The following RUNDC3B variants were observed in gnomAD, a reference collection of about 807,000 sequenced individuals.
The protein encoded by RUNDC3B is RUN domain containing 3B.
In RUNDC3B, 33 loss-of-function variants were observed where a neutral mutation model predicts 58.4. That is an observed-to-expected ratio of 0.56 (90% CI 0.43 to 0.75). The LOEUF (loss-of-function observed/expected upper bound fraction) is 0.75. Ranked by LOEUF, RUNDC3B falls within the 30% of genes least tolerant of loss-of-function variation. RUNDC3B has a pLI of 0.00. For synonymous variants in RUNDC3B, 193 were observed against 195.2 expected, an observed-to-expected ratio of 0.99 and a Z score of 0.10; for missense variants, 501 against 535.7, an observed-to-expected ratio of 0.94 and a Z score of 0.64.
At chr7:87,760,450 A>G (rs1339877281) in intron 6 of RUNDC3B, among the ~76,000 whole-genome samples, 1 of 152,128 alleles carries the variant, frequency 6.6e-6, no homozygotes, top group African/African-American at 2.4e-5. Context: ...ATATTCCAAC[A>G]TTCTTTTTTG....
intron 2 of RUNDC3B, chr7:87,694,062 G>T: frequency 6.5e-7 from 1 of 1,535,370 alleles, no homozygotes; most frequent in Non-Finnish European, 8.6e-7. Context: ...TTAGTACATT[G>T]CATGGGTTTT....
intron 8 of RUNDC3B, among the ~76,000 whole-genome samples, chr7:87,796,729 G>A (rs991397850): frequency 2.0e-5 from 3 of 152,136 alleles, no homozygotes; most frequent in Non-Finnish European, 2.9e-5. Context: ...TAAGAGAGAC[G>A]TTAAGGTGTT....
intron 4 of RUNDC3B, among the ~76,000 whole-genome samples, chr7:87,719,463 T>A (rs573749124): frequency 6.7e-4 from 102 of 151,716 alleles, no homozygotes; most frequent in South Asian, 1.7e-3. Flanking sequence ...TATAAAAGTA[T>A]ACAAAATGTA....
intron 2 of RUNDC3B, among the ~76,000 whole-genome samples, chr7:87,679,220 G>A (rs1242115414): frequency 6.8e-6 from 1 of 146,458 alleles, no homozygotes; most frequent in African/African-American, 2.6e-5. Flanking sequence ...AGCCTCCCAA[G>A]AAGCTGGGAC....
chr7:87,820,419 C>T (rs1361169658), intron 10 of RUNDC3B, among the ~76,000 whole-genome samples: 1 of 152,106 alleles, frequency 6.6e-6, no homozygotes, highest in African/African-American at 2.4e-5. Flanking sequence ...CAAAAAGAGT[C>T]CAGGACCAGA....
intron 2 of RUNDC3B, among the ~76,000 whole-genome samples, chr7:87,687,455 TCTTAA>T (rs1311068387): frequency 6.6e-6 from 1 of 152,166 alleles, no homozygotes; most frequent in African/African-American, 2.4e-5. Flanking sequence ...TTACATTAAG[TCTTAA>T]CTTCTAGCAT....
intron 4 of RUNDC3B, among the ~76,000 whole-genome samples, chr7:87,722,880 C>T (rs1428296854): frequency 2.0e-5 from 3 of 152,176 alleles, no homozygotes; most frequent in Non-Finnish European, 4.4e-5. Flanking sequence ...AAAACTATTT[C>T]CGATTCACTG....
At chr7:87,631,140 G>A (rs530917481) in intron 1 of RUNDC3B, among the ~76,000 whole-genome samples, 5 of 152,260 alleles carry the variant, frequency 3.3e-5, no homozygotes, top group African/African-American at 1.2e-4. Context: ...CTGTTTTTCA[G>A]ATCCAAATAG....
chr7:87,703,098 A>C (rs1829238476), intron 3 of RUNDC3B, among the ~76,000 whole-genome samples: 1 of 152,222 alleles, frequency 6.6e-6, no homozygotes, highest in African/African-American at 2.4e-5. Context: ...AAGATTGAAA[A>C]TTGATATTTA....
chr7:87,726,699 G>C (rs1308606394), intron 4 of RUNDC3B, among the ~76,000 whole-genome samples: 2 of 151,700 alleles, frequency 1.3e-5, no homozygotes, highest in Non-Finnish European at 1.5e-5. Context: ...GCCATTTTCA[G>C]GATATTGATT....
chr7:87,718,856 G>A (rs1272876202), intron 4 of RUNDC3B, among the ~76,000 whole-genome samples: 1 of 152,034 alleles, frequency 6.6e-6, no homozygotes, highest in Non-Finnish European at 1.5e-5. Flanking sequence ...GTAGAGGTTA[G>A]CCAATTCAGT....
At chr7:87,721,813 C>G (rs1009665358) in intron 4 of RUNDC3B, among the ~76,000 whole-genome samples, 4 of 151,830 alleles carry the variant, frequency 2.6e-5, no homozygotes, top group Non-Finnish European at 5.9e-5. Context: ...CTCTCTCTCT[C>G]TGATCTCATC....
At chr7:87,810,318 A>G (rs1406401975) in intron 9 of RUNDC3B, among the ~76,000 whole-genome samples, 4 of 152,208 alleles carry the variant, frequency 2.6e-5, no homozygotes, top group African/African-American at 9.6e-5. Context: ...AGCAAAGTAG[A>G]GAATTCATCT....
chr7:87,736,496 A>G (rs1232582614), intron 4 of RUNDC3B, among the ~76,000 whole-genome samples: 1 of 151,946 alleles, frequency 6.6e-6, no homozygotes, highest in Non-Finnish European at 1.5e-5. Flanking sequence ...ATTATTTTAA[A>G]TACTTTTCTA....
At chr7:87,829,206 G>A (rs1298434279) in intron 10 of RUNDC3B, among the ~76,000 whole-genome samples, 1 of 152,080 alleles carries the variant, frequency 6.6e-6, no homozygotes, top group Non-Finnish European at 1.5e-5. Context: ...ATAGATTCTG[G>A]ATATCAGACA....
intron 8 of RUNDC3B, among the ~76,000 whole-genome samples, chr7:87,788,374 G>A (rs1835334810): frequency 6.6e-6 from 1 of 152,144 alleles, no homozygotes; most frequent in Non-Finnish European, 1.5e-5. Context: ...GAGACACTGT[G>A]TCCAAAACAA....
At chr7:87,764,535 GTAAT>G (rs1487687158) in intron 6 of RUNDC3B, among the ~76,000 whole-genome samples, 2 of 151,754 alleles carry the variant, frequency 1.3e-5, no homozygotes, top group African/African-American at 4.8e-5. Flanking sequence ...TACCCAATAG[GTAAT>G]TATATGACCT....
At chr7:87,722,364 C>T (rs1201863816) in intron 4 of RUNDC3B, among the ~76,000 whole-genome samples, 1 of 152,066 alleles carries the variant, frequency 6.6e-6, no homozygotes, top group Non-Finnish European at 1.5e-5. Context: ...GCCCCTACCC[C>T]CCAGCCTCTG....
At chr7:87,770,372 C>T (rs1834211449) in intron 6 of RUNDC3B, among the ~76,000 whole-genome samples, 1 of 151,944 alleles carries the variant, frequency 6.6e-6, no homozygotes, top group Non-Finnish European at 1.5e-5. Flanking sequence ...TGTAGTATCT[C>T]TAGGGTTGGT....
Sources: gnomAD v4.1 joint callset for allele counts (sites outside exome capture counted in the v4.1 genomes callset) on GRCh38, gnomAD v4.1.1 for gene constraint, MANE v1.5 for transcripts, NCBI Gene and HGNC (gene_info 2026-07-23, HGNC 2026-07-21) for gene names.